The following HSD11B1 variants were observed in gnomAD, a reference collection of about 807,000 sequenced individuals.
HSD11B1 encodes 11-beta-hydroxysteroid dehydrogenase 1.
HSD11B1 carries 15 observed loss-of-function variants against 22.1 expected under a neutral mutation model. The ratio of observed to expected loss-of-function variants is 0.68; its 90% CI spans 0.45 to 1.04. The LOEUF (loss-of-function observed/expected upper bound fraction) is 1.04. Ranked by LOEUF, HSD11B1 falls within the 50% of genes least tolerant of loss-of-function variation. HSD11B1 has a pLI of 0.00. For synonymous variants in HSD11B1, 122 were observed against 125.2 expected (o/e 0.97, Z 0.17); for missense variants, 281 against 357.6 (o/e 0.79, Z 1.73).
intron 1 of HSD11B1, 134 bp downstream of exon 1, chr1:209,705,164 AT>A: frequency 1.3e-6 from 1 of 759,800 alleles, no homozygotes; most frequent in Admixed American, 1.9e-5. Context: ...TTAAGATGGT[AT>A]TTTTGTGTCC....
upstream of HSD11B1, among the ~76,000 whole-genome samples, chr1:209,700,090 T>C (rs558033637): frequency 3.3e-5 from 5 of 152,284 alleles, no homozygotes; most frequent in African/African-American, 1.2e-4. Flanking sequence ...TGCCAGTGGA[T>C]CTACCATTCT....
intron 4 of HSD11B1, among the ~76,000 whole-genome samples, chr1:209,716,739 C>T (rs2076932818): frequency 6.6e-6 from 1 of 151,892 alleles, no homozygotes; most frequent in Admixed American, 6.6e-5. Flanking sequence ...AATAGAGAAC[C>T]CAGAAATAAA....
At chr1:209,707,541 A>C (rs1327583332) in intron 4 of HSD11B1, among the ~76,000 whole-genome samples, 3 of 152,180 alleles carry the variant, frequency 2.0e-5, no homozygotes, top group Non-Finnish European at 2.9e-5. Flanking sequence ...TGTGGACTCA[A>C]TGAGAGGCAC....
chr1:209,723,286 AC>A (rs1466913989), intron 4 of HSD11B1, among the ~76,000 whole-genome samples: 13 of 151,916 alleles, frequency 8.6e-5, no homozygotes, highest in African/African-American at 3.1e-4. Flanking sequence ...CAGGCTTCCG[AC>A]CCCCTCAATT....
Position 209,706,992 on chromosome 1 carries a change from TC to T in HSD11B1, c.382del (p.Leu128PhefsTer23). On this transcript the variant is annotated frameshift_variant, in exon 4 of 6. Transcript: ENST00000367027. LOFTEE classifies it high-confidence loss of function. The surrounding 1 kb of genome is among the most constrained non-coding windows in gnomAD (Gnocchi z 4.0). Reference protein sequence around the residue: ...LNHITNTSLNLFHDDIHHVRK... With the variant: ...LNHITNTSLNXFHDDIHHVRK... The stretch of plus-strand genomic sequence containing the variant: ...ACCACATCACCAACACTTCTTTGAA[TC>T]TTTTTCATGATGATATTCACCATGT... The T allele has an allele frequency of 6.2e-7, 1 of 1,614,170 alleles. No homozygotes were observed. The highest frequency in any genetic ancestry group is 8.5e-7 in the Non-Finnish European group (1 of 1,179,984).
rs1441815248 is a variant in HSD11B1 at position 209,732,497 on chromosome 1, C to T, written c.579C>T (p.Phe193=). Residue 193 remains phenylalanine (F), a synonymous_variant, in exon 5 of 6, where the codon TTC becomes TTT. Transcript: ENST00000367027. ...YSASKFALDG[F]FSSIRKEYSV... is the part of the protein sequence containing the mutation. The stretch of plus-strand genomic sequence containing the variant: ...CAAGCAAGTTTGCTTTGGATGGGTT[C>T]TTCTCCTCCATCAGAAAGGAATATT... The T allele has an allele frequency of 1.2e-6, 2 of 1,613,728 alleles. No individual in the cohort carries two copies. Among genetic ancestry groups the T allele is most frequent in the South Asian group, 2.2e-5 (2 of 91,064 alleles).
At chr1:209,730,162 C>A (rs996259871) in intron 4 of HSD11B1, among the ~76,000 whole-genome samples, 1 of 152,098 alleles carries the variant, frequency 6.6e-6, no homozygotes, top group Non-Finnish European at 1.5e-5. Context: ...TAAAGGGTAT[C>A]CCAGTTGAAA....
At chr1:209,715,823 C>T (rs2076926319) in intron 4 of HSD11B1, among the ~76,000 whole-genome samples, 1 of 152,170 alleles carries the variant, frequency 6.6e-6, no homozygotes, top group African/African-American at 2.4e-5. Flanking sequence ...CAGGAAGCAA[C>T]AAAGGATGCT....
intron 4 of HSD11B1, among the ~76,000 whole-genome samples, chr1:209,719,503 G>T (rs934027454): frequency 1.3e-5 from 2 of 152,176 alleles, no homozygotes; most frequent in African/African-American, 4.8e-5. Flanking sequence ...GGAGATGGAT[G>T]GTGGTGATGG....
chr1:209,699,494 C>T (rs2076813614), intron 1 of HSD11B1, among the ~76,000 whole-genome samples: 1 of 152,024 alleles, frequency 6.6e-6, no homozygotes, highest in South Asian at 2.1e-4. Context: ...AGACTGGCCC[C>T]CATGATTCAA....
At chr1:209,723,980 T>C (rs1428943131) in intron 4 of HSD11B1, 1 of 152,262 alleles carries the variant, frequency 6.6e-6, no homozygotes, top group Non-Finnish European at 1.5e-5. Flanking sequence ...GCTTATGTTA[T>C]TTCCTTTGGG....
At chr1:209,710,510 T>G (rs1312943125) in intron 4 of HSD11B1, among the ~76,000 whole-genome samples, 1 of 152,272 alleles carries the variant, frequency 6.6e-6, no homozygotes, top group African/African-American at 2.4e-5. Context: ...TTATCTACTA[T>G]ATTTTGGTAA....
Position 209,692,355 on chromosome 1 carries a change from T to A in HSD11B1, c.-49+6070T>A, listed in dbSNP as rs572189259. Among the ~76,000 whole-genome samples, 418 of 152,050 alleles carry A rather than the reference T, an allele frequency of 2.7e-3. 3 individuals are homozygous for A. Among genetic ancestry groups the A allele is most frequent in the African/African-American group, 9.6e-3 (397 of 41,448 alleles). On this transcript the variant is annotated intron_variant, in intron 1 of 6. Coordinates refer to the HSD11B1 transcript ENST00000261465. ...GACTATTGCAATGGAGGAAAAGAGATCTCAGTAAAGAACTGGACTCAATTC... is the reference window on the plus strand; with the variant it reads ...GACTATTGCAATGGAGGAAAAGAGAACTCAGTAAAGAACTGGACTCAATTC...
At chr1:209,720,468 T>C (rs2076958449) in intron 4 of HSD11B1, among the ~76,000 whole-genome samples, 1 of 151,410 alleles carries the variant, frequency 6.6e-6, no homozygotes. Flanking sequence ...TTCCATGTAA[T>C]CAACACTCCC....
At chr1:209,713,813 G>A (rs2076913443) in intron 4 of HSD11B1, among the ~76,000 whole-genome samples, 1 of 152,182 alleles carries the variant, frequency 6.6e-6, no homozygotes, top group South Asian at 2.1e-4. Context: ...GTTCAATACA[G>A]ACACAAAATT....
chr1:209,718,364 T>C (rs1040409307), intron 4 of HSD11B1, among the ~76,000 whole-genome samples: 4 of 152,126 alleles, frequency 2.6e-5, no homozygotes, highest in Non-Finnish European at 5.9e-5. Flanking sequence ...TATACAAATA[T>C]TACGTATCAA....
upstream of HSD11B1, among the ~76,000 whole-genome samples, chr1:209,702,189 CA>C (rs1336077317): frequency 6.6e-6 from 1 of 152,218 alleles, no homozygotes; most frequent in East Asian, 1.9e-4. Flanking sequence ...ACTTTGTTGA[CA>C]ACCCCAGAAA....
intron 1 of HSD11B1, among the ~76,000 whole-genome samples, chr1:209,689,143 G>C (rs2102350289): frequency 6.6e-6 from 1 of 152,274 alleles, no homozygotes; most frequent in South Asian, 2.1e-4. Flanking sequence ...AGCGAGATTA[G>C]AGAAAGACTC....
At chr1:209,700,224 A>G (rs1332955207), upstream of HSD11B1, among the ~76,000 whole-genome samples, 1 of 152,246 alleles carries the variant, frequency 6.6e-6, no homozygotes. Context: ...GTTCTCCATG[A>G]GGGCCCTGCC....
Sources: gnomAD v4.1 joint callset for allele counts (sites outside exome capture counted in the v4.1 genomes callset) on GRCh38, gnomAD v4.1.1 for gene constraint, Gnocchi (gnomAD v3.1) non-coding constraint, MANE v1.5 for transcripts, NCBI Gene and HGNC (gene_info 2026-07-23, HGNC 2026-07-21) for gene names.